The following ESRRB variants were observed in gnomAD, a reference collection of about 807,000 sequenced individuals.
The protein encoded by ESRRB is steroid hormone receptor ERR2.
In ESRRB, 16 loss-of-function variants were observed where a neutral mutation model predicts 46.0. The ratio of observed to expected loss-of-function variants is 0.35; its 90% confidence interval spans 0.24 to 0.53. The LOEUF is 0.53. Ranked by LOEUF, ESRRB falls within the 20% of genes least tolerant of loss-of-function variation. The probability of loss-of-function intolerance (pLI) is 0.93; values close to 1 mark genes in which losing one functional copy is unlikely to be tolerated. For synonymous variants in ESRRB, 246 were observed against 259.6 expected, an observed-to-expected ratio of 0.95 and a Z score of 0.50; for missense variants, 488 against 607.4, an observed-to-expected ratio of 0.80 and a Z score of 2.07.
Position 76,412,436 on chromosome 14 carries a change from T to A in ESRRB, c.51-26905T>A, listed in dbSNP as rs1317268235. ...AACCAGTGGGCTGAGCCCCTTTCTTTACCCCTCTACCTCTCCCTCACCACC... is the reference window on the plus strand; with the variant it reads ...AACCAGTGGGCTGAGCCCCTTTCTTAACCCCTCTACCTCTCCCTCACCACC... On this transcript the variant is annotated intron_variant, in intron 1 of 6. Coordinates refer to ENST00000644823, the MANE Select transcript of ESRRB (RefSeq NM_001379180.1). Among the ~76,000 whole-genome samples, 4 of 152,168 alleles carry A rather than the reference T, an allele frequency of 2.6e-5. No homozygotes were observed. In the South Asian group the frequency reaches 8.3e-4, roughly 32 times the overall value.
chr14:76,374,247 T>C (rs553494506), upstream of ESRRB, among the ~76,000 whole-genome samples: 8 of 152,294 alleles, frequency 5.3e-5, no homozygotes, highest in Non-Finnish European at 1.2e-4. Context: ...CCCATGGAGC[T>C]TACAGTCTAG....
chr14:76,385,244 G>A (rs558087381), intron 1 of ESRRB, among the ~76,000 whole-genome samples: 16 of 147,506 alleles, frequency 1.1e-4, no homozygotes, highest in Non-Finnish European at 2.1e-4. Flanking sequence ...AAACCTCAAA[G>A]CTTTGGATTA....
At chr14:76,424,442 G>A (rs1037033496) in intron 1 of ESRRB, among the ~76,000 whole-genome samples, 12 of 152,166 alleles carry the variant, frequency 7.9e-5, no homozygotes, top group Non-Finnish European at 1.6e-4. Flanking sequence ...TGTGCACAAG[G>A]CTATGTAGAA....
chr14:76,381,101 C>T (rs1198373527), intron 1 of ESRRB, among the ~76,000 whole-genome samples: 1 of 152,106 alleles, frequency 6.6e-6, no homozygotes, highest in African/African-American at 2.4e-5. Flanking sequence ...AGAGGAGAGG[C>T]CCATAGGCTT....
intron 2 of ESRRB, among the ~76,000 whole-genome samples, chr14:76,441,532 G>A (rs545252887): frequency 5.3e-5 from 8 of 152,166 alleles, no homozygotes; most frequent in Admixed American, 2.6e-4. Flanking sequence ...GGCTGGTCTC[G>A]AACACCTGGG....
chr14:76,466,100 G>A (rs1595146527), intron 3 of ESRRB, among the ~76,000 whole-genome samples: 1 of 152,088 alleles, frequency 6.6e-6, no homozygotes, highest in East Asian at 1.9e-4. Flanking sequence ...AGACTCTGAC[G>A]GGACTCTAAA....
At chr14:76,461,381 GTGCTAAGTGC>G (rs1888852526) in intron 2 of ESRRB, among the ~76,000 whole-genome samples, 1 of 152,222 alleles carries the variant, frequency 6.6e-6, no homozygotes, top group African/African-American at 2.4e-5. Context: ...TGCGGGGGCT[GTGCTAAGTGC>G]TGCTGGACAC....
In ESRRB at chr14:76,361,141, G is replaced by A. The variant is rs149917163; in HGVS notation, c.2+50225G>A. On this transcript the variant is annotated intron_variant, in intron 1 of 6. Transcript: ENST00000512784. ...AATACATTTGAGAAGCTGCCCCTGT[G>A]TTCATTATATTGAGACCATCCTACA... Among the ~76,000 whole-genome samples the A allele has an allele frequency of 4.0e-3, 607 of 152,324 alleles. 1 individual carries two copies. The highest frequency in any genetic ancestry group is 0.014 in the African/African-American group (599 of 41,570).
intron 1 of ESRRB, among the ~76,000 whole-genome samples, chr14:76,347,079 C>T (rs1490228992): frequency 6.6e-6 from 1 of 152,286 alleles, no homozygotes; most frequent in Middle Eastern, 3.4e-3. Flanking sequence ...ACACCTTTGT[C>T]CCTTACCCTG....
At chr14:76,459,241 G>A (rs1477786104) in intron 2 of ESRRB, among the ~76,000 whole-genome samples, 1 of 152,120 alleles carries the variant, frequency 6.6e-6, no homozygotes, top group Non-Finnish European at 1.5e-5. Context: ...GCTGCTCCCT[G>A]ACAAGCATTC....
intron 6 of ESRRB, 124 bp from the exon 7 acceptor site, chr14:76,498,090 G>T: frequency 1.7e-6 from 2 of 1,154,282 alleles, no homozygotes; most frequent in South Asian, 2.5e-5. Context: ...TTGGCTCTCT[G>T]TGAAGAGAGG....
intron 2 of ESRRB, among the ~76,000 whole-genome samples, chr14:76,461,348 A>C (rs2139988498): frequency 6.6e-6 from 1 of 152,284 alleles, no homozygotes; most frequent in East Asian, 1.9e-4. Flanking sequence ...CATTCACTGC[A>C]TTCTACCTGC....
upstream of ESRRB, among the ~76,000 whole-genome samples, chr14:76,374,018 C>G (rs1037949685): frequency 6.6e-6 from 1 of 152,094 alleles, no homozygotes; most frequent in Non-Finnish European, 1.5e-5. Context: ...AACGGTGCAC[C>G]CACACAGAGT....
intron 5 of ESRRB, 147 bp from the exon 6 acceptor site, chr14:76,491,300 G>C: frequency 5.4e-6 from 4 of 734,540 alleles, no homozygotes; most frequent in Non-Finnish European, 9.0e-6. Context: ...ACGCTACACA[G>C]GGAAAGCCTG....
chr14:76,356,411 A>C (rs912592251), intron 1 of ESRRB, among the ~76,000 whole-genome samples: 1 of 152,220 alleles, frequency 6.6e-6, no homozygotes, highest in African/African-American at 2.4e-5. Flanking sequence ...ACAGATAAGG[A>C]GACTGCGACA....
At chr14:76,440,323 T>C (rs1428254062) in intron 2 of ESRRB, among the ~76,000 whole-genome samples, 1 of 152,126 alleles carries the variant, frequency 6.6e-6, no homozygotes, top group Non-Finnish European at 1.5e-5. Flanking sequence ...TTTAAATTAA[T>C]GCATGGTGGC....
intron 2 of ESRRB, among the ~76,000 whole-genome samples, chr14:76,452,488 G>T (rs1039257248): frequency 6.6e-6 from 1 of 151,542 alleles, no homozygotes; most frequent in Non-Finnish European, 1.5e-5. Context: ...TTAGCCAGGC[G>T]TGGTGGCTAT....
At chr14:76,456,937 A>G (rs1051191231) in intron 2 of ESRRB, among the ~76,000 whole-genome samples, 3 of 152,154 alleles carry the variant, frequency 2.0e-5, no homozygotes, top group African/African-American at 7.2e-5. Context: ...CAGCCCTTTC[A>G]CACCAGCTGA....
rs181874564 is a variant in ESRRB at position 76,408,037 on chromosome 14, G to C, written c.51-31304G>C. On this transcript the variant is annotated intron_variant, in intron 1 of 6. Coordinates refer to ENST00000644823, the MANE Select transcript of ESRRB (RefSeq NM_001379180.1). Reference sequence around the variant, plus strand: ...GCACTGGCCAGTCTTTGAGGACACAGTGTCTGGCTCCAGTTATTTCTACCT... The same window carrying C: ...GCACTGGCCAGTCTTTGAGGACACACTGTCTGGCTCCAGTTATTTCTACCT... 2.0e-5 allele frequency among the ~76,000 whole-genome samples: 3 copies of C among 152,296 alleles called. No homozygotes were observed. The East Asian group carries it at 5.8e-4, about 29-fold the overall frequency.
Sources: allele counts gnomAD v4.1 joint callset (sites outside exome capture counted in the v4.1 genomes callset), GRCh38; gene constraint gnomAD v4.1.1; transcripts MANE v1.5; gene names NCBI Gene and HGNC (gene_info 2026-07-23, HGNC 2026-07-21).